Variants in CLYBL observed in about 807,000 individuals in gnomAD.
The protein encoded by CLYBL is citramalyl-CoA lyase, mitochondrial.
In CLYBL, 31 loss-of-function variants were observed where a neutral mutation model predicts 38.9. That is an observed-to-expected ratio of 0.80 (90% CI 0.60 to 1.08). The LOEUF (loss-of-function observed/expected upper bound fraction) is 1.08. CLYBL is among the 50% of genes least tolerant of loss of function. The pLI is 0.00. For missense variants in CLYBL, 434 were observed against 411.6 expected, an observed-to-expected ratio of 1.05 and a Z score of -0.47; for synonymous variants, 171 against 158.6, an observed-to-expected ratio of 1.08 and a Z score of -0.59.
intron 7 of CLYBL, among the ~76,000 whole-genome samples, chr13:99,883,086 T>C (rs151189330): frequency 5.9e-4 from 90 of 152,276 alleles, no homozygotes; most frequent in Middle Eastern, 3.4e-3. Context: ...CAACTTCCTC[T>C]GCTTAGGGTC....
intron 1 of CLYBL, among the ~76,000 whole-genome samples, chr13:99,728,302 G>A (rs1323495287): frequency 7.4e-6 from 1 of 134,576 alleles, no homozygotes; most frequent in African/African-American, 2.8e-5. Context: ...TTTTTGAGAT[G>A]GAGTCTCACT....
chr13:99,899,540 G>A (rs1205648287), downstream of CLYBL, among the ~76,000 whole-genome samples: 1 of 152,122 alleles, frequency 6.6e-6, no homozygotes, highest in Non-Finnish European at 1.5e-5. Flanking sequence ...GGGAGTTACT[G>A]TTTAATGGGT....
chr13:99,756,097 T>C (rs1252713340), intron 1 of CLYBL, among the ~76,000 whole-genome samples: 1 of 152,194 alleles, frequency 6.6e-6, no homozygotes, highest in Non-Finnish European at 1.5e-5. Context: ...AGCAGGGACT[T>C]CCTGGTGTTC....
At chr13:99,740,534 G>C (rs2048736002) in intron 1 of CLYBL, among the ~76,000 whole-genome samples, 1 of 152,148 alleles carries the variant, frequency 6.6e-6, no homozygotes, top group South Asian at 2.1e-4. Flanking sequence ...CTCTCCGTCT[G>C]TCTTGTATTT....
intron 1 of CLYBL, among the ~76,000 whole-genome samples, chr13:99,683,840 T>C (rs983267823): frequency 6.6e-6 from 1 of 151,360 alleles, no homozygotes; most frequent in South Asian, 2.1e-4. Flanking sequence ...TATTATGTAC[T>C]GTGCATGGTT....
intron 1 of CLYBL, among the ~76,000 whole-genome samples, chr13:99,689,448 G>C (rs947694248): frequency 1.3e-5 from 2 of 152,204 alleles, no homozygotes; most frequent in African/African-American, 4.8e-5. Context: ...ATTACTTAGT[G>C]CAGGTATGCT....
intron 7 of CLYBL, among the ~76,000 whole-genome samples, chr13:99,886,504 G>A (rs2052353242): frequency 5.9e-5 from 9 of 152,260 alleles, no homozygotes. Context: ...GTGCTATGGT[G>A]ATACTGGCCT....
At chr13:99,753,553 G>A (rs1358336026) in intron 1 of CLYBL, among the ~76,000 whole-genome samples, 1 of 152,206 alleles carries the variant, frequency 6.6e-6, no homozygotes, top group Admixed American at 6.5e-5. Flanking sequence ...GAGCTGGAAT[G>A]CATGGAATAC....
chr13:99,891,170 A>G (rs566131359), intron 7 of CLYBL, 148 bp from the exon 8 acceptor site: 1 of 619,014 alleles, frequency 1.6e-6, no homozygotes, highest in Admixed American at 2.8e-5. Flanking sequence ...TTTCCTCTGT[A>G]ATTTACTTTG....
At chr13:99,698,712 GA>G (rs376676143) in intron 1 of CLYBL, among the ~76,000 whole-genome samples, 98 of 152,290 alleles carry the variant, frequency 6.4e-4, no homozygotes, top group African/African-American at 1.7e-3. Context: ...CCTGGAAGAT[GA>G]TGAAAGTAAA....
intron 1 of CLYBL, among the ~76,000 whole-genome samples, chr13:99,725,736 C>T (rs750864209): frequency 1.1e-4 from 17 of 152,268 alleles, no homozygotes; most frequent in South Asian, 1.0e-3. Flanking sequence ...TACATTTCCA[C>T]GCCGCTGAAA....
At chr13:99,691,814 A>G (rs992047554) in intron 1 of CLYBL, among the ~76,000 whole-genome samples, 1 of 152,208 alleles carries the variant, frequency 6.6e-6, no homozygotes, top group East Asian at 1.9e-4. Context: ...AGGCGTAGTC[A>G]CTGCCTCCAA....
chr13:99,679,610 G>A (rs916244001), intron 1 of CLYBL, among the ~76,000 whole-genome samples: 1 of 152,080 alleles, frequency 6.6e-6, no homozygotes, highest in African/African-American at 2.4e-5. Flanking sequence ...TTATGTAGAG[G>A]GTGGTGAAGC....
At chr13:99,625,021 A>G (rs996901756) in intron 1 of CLYBL, among the ~76,000 whole-genome samples, 10 of 152,144 alleles carry the variant, frequency 6.6e-5, no homozygotes, top group Non-Finnish European at 1.5e-4. Context: ...GAAAGTGTGG[A>G]CTCATAGGCT....
chr13:99,684,498 G>A (rs998469543), intron 1 of CLYBL, among the ~76,000 whole-genome samples: 7 of 152,082 alleles, frequency 4.6e-5, no homozygotes, highest in Non-Finnish European at 8.8e-5. Flanking sequence ...GCTGGATTCC[G>A]ACCACATGAA....
chr13:99,777,713 G>T (rs1443265451), intron 2 of CLYBL, among the ~76,000 whole-genome samples: 1 of 151,160 alleles, frequency 6.6e-6, no homozygotes, highest in East Asian at 1.9e-4. Flanking sequence ...GGCTGGTCTC[G>T]AACTCCTGAC....
chr13:99,819,465 T>TAA lies in CLYBL; in HGVS notation c.250-39395_250-39394insAA, dbSNP rs1555312486. ...ATATATATATATATATATATATATA[T>TAA]ATAATATTTGTCAGGGTTGTCTGGG... On this transcript the variant is annotated intron_variant, in intron 2 of 8. Transcript: ENST00000339105. Among the ~76,000 whole-genome samples the TAA allele has an allele frequency of 3.9e-3, 227 of 58,728 alleles. 17 individuals are homozygous for TAA. Among genetic ancestry groups the TAA allele is most frequent in the South Asian group, 0.011 (19 of 1,714 alleles). The allele number at this position is 58,728 out of a possible 152,430, so 38.5% of individuals were successfully genotyped here.
At chr13:99,626,859 A>G (rs2046877002) in intron 1 of CLYBL, among the ~76,000 whole-genome samples, 1 of 151,854 alleles carries the variant, frequency 6.6e-6, no homozygotes, top group South Asian at 2.1e-4. Context: ...GTAATTTAAG[A>G]CATGACATTC....
chr13:99,663,433 C>T (rs1002032604), intron 1 of CLYBL, among the ~76,000 whole-genome samples: 1 of 152,180 alleles, frequency 6.6e-6, no homozygotes, highest in Non-Finnish European at 1.5e-5. Flanking sequence ...GCTGCCCATC[C>T]CCATCCCATG....
Sources: gnomAD v4.1 joint callset for allele counts (sites outside exome capture counted in the v4.1 genomes callset) on GRCh38, gnomAD v4.1.1 for gene constraint, MANE v1.5 for transcripts, NCBI Gene and HGNC (gene_info 2026-07-23, HGNC 2026-07-21) for gene names.